Variants in PRKCA observed in about 807,000 individuals in gnomAD.
The protein encoded by PRKCA is protein kinase C alpha, also known as protein kinase C alpha type.
PRKCA carries 27 observed loss-of-function variants against 87.0 expected under a neutral mutation model. The observed-to-expected ratio is 0.31, with a 90% CI of 0.23 to 0.43. The LOEUF is 0.43. Ranked by LOEUF, PRKCA falls within the 20% of genes least tolerant of loss-of-function variation. PRKCA has a pLI of 1.00. For synonymous variants in PRKCA, 329 were observed against 311.1 expected (o/e 1.06, Z -0.61); for missense variants, 518 against 852.3 (o/e 0.61, Z 4.88).
intron 14 of PRKCA, among the ~76,000 whole-genome samples, chr17:66,781,868 G>GAGAGAGATATAT (rs1491546533): frequency 5.0e-5 from 5 of 99,322 alleles, no homozygotes; most frequent in African/African-American, 1.9e-4. Flanking sequence ...GAGAGAGAGA[G>GAGAGAGATATAT]ATATATATAT....
At position 66,312,731 on chromosome 17, in the gene PRKCA, C is replaced by T. The variant is rs184496138; in HGVS notation, c.205+6604C>T. 6.9e-3 allele frequency among the ~76,000 whole-genome samples: 817 copies of T among 118,422 alleles called. 8 individuals are homozygous for T. The highest frequency in any genetic ancestry group is 0.025 in the African/African-American group (781 of 31,692). The allele number at this position is 118,422 out of a possible 152,430, so 77.7% of individuals were successfully genotyped here. On this transcript the variant is annotated intron_variant, in intron 2 of 16. Coordinates refer to ENST00000413366, the MANE Select transcript of PRKCA (RefSeq NM_002737.3). The stretch of plus-strand genomic sequence containing the variant: ...TCTACATGTTCTTCCTATCGTAGGA[C>T]CTTTTTTTTTTTTTTTTTTTTGTGA...
At chr17:66,495,402 A>G (rs1289490952) in intron 2 of PRKCA, among the ~76,000 whole-genome samples, 1 of 152,138 alleles carries the variant, frequency 6.6e-6, no homozygotes, top group African/African-American at 2.4e-5. Flanking sequence ...TGCAACCCAC[A>G]TTTAGGGATA....
Position 66,493,154 on chromosome 17 carries a change from T to A in PRKCA, c.206-3047T>A, listed in dbSNP as rs188820275. Among the ~76,000 whole-genome samples, 29 of 152,330 alleles carry A rather than the reference T, an allele frequency of 1.9e-4. 1 individual carries two copies. Among genetic ancestry groups the A allele is most frequent in the Non-Finnish European group, 4.1e-4 (28 of 68,022 alleles). ...ATCATGAGTACCTTTAAAATGTGTA[T>A]TTTTACAATCACATTATATTATGAT... On this transcript the variant is annotated intron_variant, in intron 2 of 16. Transcript: ENST00000413366.
chr17:66,762,196 A>G lies in PRKCA; in HGVS notation c.1525-11791A>G, dbSNP rs181050966. Reference sequence around the variant, plus strand: ...TCATTTGAGTGTTTAACATATACCAAAATGTTTCCTCTGTCCCCCTCTGAG... The same window carrying G: ...TCATTTGAGTGTTTAACATATACCAGAATGTTTCCTCTGTCCCCCTCTGAG... On this transcript the variant is annotated intron_variant, in intron 13 of 16. Transcript: ENST00000413366. Among the ~76,000 whole-genome samples, 415 of 152,310 alleles carry G rather than the reference A, an allele frequency of 2.7e-3. 2 individuals carry two copies. Among genetic ancestry groups the G allele is most frequent in the Admixed American group, 9.6e-3 (147 of 15,298 alleles).
In PRKCA at chr17:66,672,713, C is replaced by G. The variant is rs186787168; in HGVS notation, c.530-14398C>G. Among the ~76,000 whole-genome samples the G allele has an allele frequency of 1.0e-3, 154 of 152,292 alleles. 1 individual carries two copies. Among genetic ancestry groups the G allele is most frequent in the African/African-American group, 3.3e-3 (139 of 41,564 alleles). ...AAATGATAAACTTTGTAGATGCCCC[C>G]AAACAGGGAATTGATTAAATAAATT... is the stretch of plus-strand genomic sequence containing the variant. On this transcript the variant is annotated intron_variant, in intron 5 of 16. Coordinates refer to ENST00000413366, the MANE Select transcript of PRKCA (RefSeq NM_002737.3).
At chr17:66,410,108 A>G (rs1354013515) in intron 2 of PRKCA, among the ~76,000 whole-genome samples, 1 of 152,208 alleles carries the variant, frequency 6.6e-6, no homozygotes, top group African/African-American at 2.4e-5. Context: ...GACTGGTTCA[A>G]TATCTCCCCA....
intron 3 of PRKCA, among the ~76,000 whole-genome samples, chr17:66,512,611 C>T (rs923980446): frequency 6.6e-6 from 1 of 152,130 alleles, no homozygotes; most frequent in Admixed American, 6.5e-5. Flanking sequence ...CTGGGCGGTT[C>T]CTCTTTGTAG....
At chr17:66,730,683 G>A (rs1973863926) in intron 8 of PRKCA, among the ~76,000 whole-genome samples, 1 of 152,222 alleles carries the variant, frequency 6.6e-6, no homozygotes. Flanking sequence ...TTGCCTTGTT[G>A]ATTTTGGCGG....
chr17:66,544,132 G>T (rs1023768162), intron 3 of PRKCA, among the ~76,000 whole-genome samples: 4 of 152,148 alleles, frequency 2.6e-5, no homozygotes, highest in Non-Finnish European at 5.9e-5. Flanking sequence ...GCTGAGGCAG[G>T]AGAATCGCTG....
rs138720884 is a variant in PRKCA, at chr17:66,761,733, T to C, written c.1525-12254T>C. Among the ~76,000 whole-genome samples, 208 of 152,220 alleles carry C rather than the reference T, an allele frequency of 1.4e-3. 1 individual carries two copies. Among genetic ancestry groups the C allele is most frequent in the African/African-American group, 4.7e-3 (197 of 41,564 alleles). ...GCCACTGTGCCCGGCCAGTTTTCTT[T>C]TTTTTTTATATAATGCACTTTGTCC... is the stretch of plus-strand genomic sequence containing the variant. On this transcript the variant is annotated intron_variant, in intron 13 of 16. Coordinates refer to ENST00000413366, the MANE Select transcript of PRKCA (RefSeq NM_002737.3).
rs57292153 is a variant in PRKCA, at chr17:66,347,941, C to CTTTTTTTTTTTTTTTTTTTTTTTT, written c.205+41833_205+41834insTTTTTTTTTTTTTTTTTTTTTTTT. Among the ~76,000 whole-genome samples, 17 of 56,454 alleles carry CTTTTTTTTTTTTTTTTTTTTTTTT rather than the reference C, an allele frequency of 3.0e-4. 4 individuals are homozygous for CTTTTTTTTTTTTTTTTTTTTTTTT. Among genetic ancestry groups the CTTTTTTTTTTTTTTTTTTTTTTTT allele is most frequent in the Admixed American group, 7.7e-4 (2 of 2,594 alleles). The allele number at this position is 56,454 out of a possible 152,430, so 37.0% of individuals were successfully genotyped here. A position where few individuals can be genotyped will look rare whatever the true frequency, so the allele number is the denominator to read the frequency against. ...AGAATATTTACTCAGAATTCTGAAC[C>CTTTTTTTTTTTTTTTTTTTTTTTT]TTTTTTTTTTTTTTTTTTTGAGACA... is the stretch of plus-strand genomic sequence containing the variant. On this transcript the variant is annotated intron_variant, in intron 2 of 16. Transcript: ENST00000413366.
chr17:66,660,656 G>A (rs1646247165), intron 5 of PRKCA, among the ~76,000 whole-genome samples: 1 of 152,150 alleles, frequency 6.6e-6, no homozygotes, highest in Admixed American at 6.5e-5. Context: ...TTGGGAAGCC[G>A]AGGCGGGCGG....
chr17:66,701,242 C>T lies in PRKCA; in HGVS notation c.918+12195C>T, dbSNP rs116916830. Among the ~76,000 whole-genome samples, 232 of 152,180 alleles carry T rather than the reference C, an allele frequency of 1.5e-3. 1 individual carries two copies. Among genetic ancestry groups the T allele is most frequent in the Non-Finnish European group, 2.6e-3 (178 of 67,938 alleles). The stretch of plus-strand genomic sequence containing the variant: ...AGGTGTTGGGAAAACTGGATATCCA[C>T]ATACCAAAAAATGAAATTGGATAGA... On this transcript the variant is annotated intron_variant, in intron 8 of 16. Transcript: ENST00000413366.
At chr17:66,786,120 G>A (rs1446399172) in intron 14 of PRKCA, among the ~76,000 whole-genome samples, 7 of 152,168 alleles carry the variant, frequency 4.6e-5, no homozygotes, top group South Asian at 2.1e-4. Context: ...GAGCCACCGC[G>A]CCCGGCCTGG....
chr17:66,443,977 GT>G (rs1598676500), intron 2 of PRKCA, among the ~76,000 whole-genome samples: 1 of 152,084 alleles, frequency 6.6e-6, no homozygotes, highest in East Asian at 1.9e-4. Context: ...GTTGAGACCT[GT>G]GCCCTCCGCC....
chr17:66,521,748 T>C (rs1374787100), intron 3 of PRKCA, among the ~76,000 whole-genome samples: 2 of 152,164 alleles, frequency 1.3e-5, no homozygotes, highest in Non-Finnish European at 2.9e-5. Context: ...AATTCAAATA[T>C]CTTGTAGAGA....
intron 13 of PRKCA, among the ~76,000 whole-genome samples, chr17:66,758,127 C>T (rs1420466206): frequency 6.6e-6 from 1 of 152,240 alleles, no homozygotes; most frequent in Admixed American, 6.5e-5. Context: ...CCACCCATAG[C>T]CCCCTGCACC....
chr17:66,787,742 TTGGACAGCA>T (rs1975437087), intron 15 of PRKCA, among the ~76,000 whole-genome samples: 1 of 151,984 alleles, frequency 6.6e-6, no homozygotes, highest in Non-Finnish European at 1.5e-5. Context: ...CCCCCCAACT[TTGGACAGCA>T]TGGATTAGTC....
At chr17:66,582,240 C>T (rs921111962) in intron 3 of PRKCA, among the ~76,000 whole-genome samples, 5 of 152,152 alleles carry the variant, frequency 3.3e-5, no homozygotes, top group South Asian at 2.1e-4. Context: ...TATTAACTAC[C>T]GCAACTCAAG....
Sources: gnomAD v4.1 joint callset for allele counts (sites outside exome capture counted in the v4.1 genomes callset) on GRCh38, gnomAD v4.1.1 for gene constraint, MANE v1.5 for transcripts, NCBI Gene and HGNC (gene_info 2026-07-23, HGNC 2026-07-21) for gene names.